The following SRSF2 variants were observed in gnomAD, a reference collection of about 807,000 sequenced individuals.
SRSF2 encodes the protein serine/arginine-rich splicing factor 2.
Under a neutral mutation model 15.7 loss-of-function variants are expected in SRSF2, and 4 were observed. The ratio of observed to expected loss-of-function variants is 0.26; its 90% CI spans 0.13 to 0.58. The LOEUF (loss-of-function observed/expected upper bound fraction) is 0.58, where lower values mean the gene tolerates loss of function less well. Among genes scored for constraint, SRSF2 ranks in the 20% least tolerant of loss-of-function variants. SRSF2 has a pLI of 0.90. For synonymous variants in SRSF2, 192 were observed against 138.9 expected (o/e 1.38, Z -2.69); for missense variants, 147 against 332.4 (o/e 0.44, Z 4.34).
In SRSF2 at chr17:76,735,126, C is replaced by G. The variant is rs924257645; in HGVS notation, c.*40G>C. ...GATGGACTATGTGGTCCTTTTTCCC[C>G]AAGTCCTCCGTTTACACTGCTTGCC... On this transcript the variant is annotated 3_prime_UTR_variant, in exon 3 of 3. Transcript: ENST00000359995. The G allele has an allele frequency of 1.8e-5, 4 of 218,956 alleles. No homozygotes were observed. Among genetic ancestry groups the G allele is most frequent in the Admixed American group, 5.8e-5 (1 of 17,246 alleles). 13.6% of individuals were successfully genotyped at this position (218,956 alleles called of 1,614,324 possible).
intron 1 of SRSF2, 130 bp downstream of exon 1, chr17:76,736,669 C>G: frequency 8.2e-7 from 1 of 1,222,114 alleles, no homozygotes; most frequent in East Asian, 3.2e-5. Flanking sequence ...GCCGGAGGGT[C>G]GCGAGACGCG....
intron 1 of SRSF2, 54 bp from the exon 2 acceptor site, chr17:76,736,518 C>A (rs1408402613): frequency 9.0e-6 from 14 of 1,560,534 alleles, no homozygotes; most frequent in African/African-American, 2.7e-5. Context: ...GCGGGGCCGG[C>A]CCCGCCCGCG....
At chr17:76,736,573 C>T in intron 1 of SRSF2, 109 bp from the exon 2 acceptor site, 1 of 1,322,956 alleles carries the variant, frequency 7.6e-7, no homozygotes, top group Non-Finnish European at 1.0e-6. Context: ...GACGCCATTT[C>T]CCCAGTCGCG....
Position 76,737,313 on chromosome 17 carries a change from G to C in SRSF2, c.-153C>G, listed in dbSNP as rs866421706. On this transcript the variant is annotated 5_prime_UTR_variant, in exon 1 of 3. Transcript: ENST00000359995. Reference sequence around the variant, plus strand: ...CAGCACGGACGGGCTCCGCAGGCTAGCGCACCTGAGTAACAACTGGGCGGG... The same window carrying C: ...CAGCACGGACGGGCTCCGCAGGCTACCGCACCTGAGTAACAACTGGGCGGG... The C allele has an allele frequency of 2.7e-6, 3 of 1,095,172 alleles. No homozygotes were observed. The highest frequency in any genetic ancestry group is 3.8e-6 in the Non-Finnish European group (3 of 796,066). 67.8% of individuals were successfully genotyped at this position (1,095,172 alleles called of 1,614,324 possible).
At chr17:76,736,616 C>T in intron 1 of SRSF2, 152 bp from the exon 2 acceptor site, 1 of 1,150,694 alleles carries the variant, frequency 8.7e-7, no homozygotes, top group South Asian at 1.9e-5. Context: ...CCGCCCACAC[C>T]CCGGCCACTC....
intron 1 of SRSF2, 164 bp downstream of exon 1, chr17:76,736,635 C>T (rs1193382088): frequency 1.7e-6 from 2 of 1,164,334 alleles, no homozygotes; most frequent in African/African-American, 3.3e-5. Context: ...TCCCGGGTCG[C>T]AGACGGCGGA....
At chr17:76,736,615 C>G (rs532688400) in intron 1 of SRSF2, 151 bp from the exon 2 acceptor site, 1 of 1,159,506 alleles carries the variant, frequency 8.6e-7, no homozygotes, top group African/African-American at 1.6e-5. Context: ...GCCGCCCACA[C>G]CCCGGCCACT....
chr17:76,735,839 A>C, intron 2 of SRSF2: 1 of 520,404 alleles, frequency 1.9e-6, no homozygotes. Context: ...AATCTGCAAT[A>C]CTGGCCAATA....
chr17:76,737,267 G>A lies in SRSF2; in HGVS notation c.-107C>T, dbSNP rs773081652. ...CAGTTGCCTTCCGCGTGGGGACACTGGGAAAGGCCTTGCCGCAGAACAGCA... is the reference window on the plus strand; with the variant it reads ...CAGTTGCCTTCCGCGTGGGGACACTAGGAAAGGCCTTGCCGCAGAACAGCA... On this transcript the variant is annotated 5_prime_UTR_variant, in exon 1 of 3. Coordinates refer to ENST00000359995, the MANE Select transcript of SRSF2 (RefSeq NM_001195427.2). The A allele has an allele frequency of 6.8e-5, 96 of 1,411,096 alleles. No homozygotes were observed. Among genetic ancestry groups the A allele is most frequent in the Non-Finnish European group, 2.7e-5 (29 of 1,065,922 alleles). 87.4% of individuals were successfully genotyped at this position (1,411,096 alleles called of 1,614,324 possible). A position where few individuals can be genotyped will look rare whatever the true frequency, so the allele number is the denominator to read the frequency against.
upstream of SRSF2, chr17:76,737,408 T>A: frequency 4.5e-6 from 2 of 447,608 alleles, no homozygotes. Context: ...AAATGAAACC[T>A]TCTGATTGGC....
intron 2 of SRSF2, 21 bp downstream of exon 2, chr17:76,736,133 T>C (rs1018880469): frequency 1.9e-6 from 3 of 1,568,122 alleles, no homozygotes; most frequent in African/African-American, 2.7e-5. Context: ...GGGTTATGTG[T>C]CTCGGATTCC....
chr17:76,735,977 G>A (rs2143914958), intron 2 of SRSF2, 177 bp downstream of exon 2: 2 of 647,894 alleles, frequency 3.1e-6, no homozygotes, highest in Middle Eastern at 2.5e-4. Flanking sequence ...TATTATCTAA[G>A]CTTCATACAC....
Position 76,736,318 on chromosome 17 carries a change from TTGGACC to T in SRSF2, c.503_508del (p.Arg168_Ser169del), listed in dbSNP as rs775895266. 2 of 1,613,990 alleles carry T rather than the reference TTGGACC, an allele frequency of 1.2e-6. No homozygotes were observed. Among genetic ancestry groups the T allele is most frequent in the South Asian group, 1.1e-5 (1 of 91,072 alleles). On this transcript the variant is annotated inframe_deletion, in exon 2 of 3. Transcript: ENST00000359995. ...TCTGGAGACCGACGAGGACTTGGAC[TTGGACC>T]TTCGTGCGGATCTGGACTTGGAGGT...
In SRSF2 at chr17:76,737,313, G is replaced by A. The variant is rs866421706; in HGVS notation, c.-153C>T. The A allele has an allele frequency of 2.7e-6, 3 of 1,095,172 alleles. No homozygotes were observed. The highest frequency in any genetic ancestry group is 2.9e-5 in the Admixed American group (1 of 33,936). 67.8% of individuals were successfully genotyped at this position (1,095,172 alleles called of 1,614,324 possible). ...CAGCACGGACGGGCTCCGCAGGCTA[G>A]CGCACCTGAGTAACAACTGGGCGGG... On this transcript the variant is annotated 5_prime_UTR_variant, in exon 1 of 3. Transcript: ENST00000359995.
chr17:76,736,777 C>A, intron 1 of SRSF2, 22 bp downstream of exon 1: 1 of 1,419,126 alleles, frequency 7.0e-7, no homozygotes, highest in Middle Eastern at 2.3e-4. Flanking sequence ...CCGCCTCCCG[C>A]GGTCCCCTCA....
chr17:76,736,055 A>G, intron 2 of SRSF2, 99 bp downstream of exon 2: 1 of 1,238,374 alleles, frequency 8.1e-7, no homozygotes, highest in Non-Finnish European at 1.1e-6. Context: ...CAGCACTCCT[A>G]ATGATAGGAG....
chr17:76,735,923 G>A (rs530123924), intron 2 of SRSF2: 9 of 617,100 alleles, frequency 1.5e-5, no homozygotes, highest in African/African-American at 1.3e-4. Context: ...GCAAGAAATA[G>A]TCATTTTCAT....
chr17:76,736,631 G>C, intron 1 of SRSF2, 167 bp from the exon 2 acceptor site: 1 of 1,152,268 alleles, frequency 8.7e-7, no homozygotes, highest in Non-Finnish European at 1.1e-6. Flanking sequence ...CCACTCCCGG[G>C]TCGCAGACGG....
chr17:76,735,354 A>ATTCC (rs968206787), intron 2 of SRSF2, 196 bp from the exon 3 acceptor site: 4 of 201,582 alleles, frequency 2.0e-5, no homozygotes, highest in African/African-American at 9.2e-5. Flanking sequence ...GAATTTACGT[A>ATTCC]TTCCTGGCCA....
Sources: gnomAD v4.1 joint callset for allele counts on GRCh38, gnomAD v4.1.1 for gene constraint, MANE v1.5 for transcripts, NCBI Gene and HGNC (gene_info 2026-07-23, HGNC 2026-07-21) for gene names.